The following TYW1B variants were observed in gnomAD, a reference collection of about 807,000 sequenced individuals.
TYW1B encodes S-adenosyl-L-methionine-dependent tRNA 4-demethylwyosine synthase TYW1B.
TYW1B carries 73 observed loss-of-function variants against 86.9 expected under a neutral mutation model. The observed-to-expected ratio is 0.84, with a 90% CI of 0.70 to 1.02. The LOEUF is 1.02. Among genes scored for constraint, TYW1B ranks in the 50% least tolerant of loss-of-function variants. The pLI is 0.00. For missense variants in TYW1B, 637 were observed against 827.4 expected, an observed-to-expected ratio of 0.77 and a Z score of 2.82; for synonymous variants, 248 against 292.8, an observed-to-expected ratio of 0.85 and a Z score of 1.56.
intron 13 of TYW1B, among the ~76,000 whole-genome samples, chr7:72,612,185 G>A (rs532158516): frequency 6.6e-6 from 1 of 152,236 alleles, no homozygotes; most frequent in African/African-American, 2.4e-5. Flanking sequence ...AATAAGGATA[G>A]GAGGGATTTA....
At chr7:72,636,613 A>T (rs191121741) in intron 11 of TYW1B, among the ~76,000 whole-genome samples, 1,849 of 152,332 alleles carry the variant, frequency 0.012, 40 homozygotes, top group African/African-American at 0.042. Context: ...AATTGGCTAC[A>T]AGATTTTAAT....
intron 11 of TYW1B, among the ~76,000 whole-genome samples, chr7:72,693,186 G>A (rs1814215046): frequency 6.6e-6 from 1 of 151,982 alleles, no homozygotes; most frequent in African/African-American, 2.4e-5. Flanking sequence ...AAGCAAGGAA[G>A]GAAAGAAGGA....
At chr7:72,619,407 C>T (rs1224210992) in intron 12 of TYW1B, among the ~76,000 whole-genome samples, 4 of 151,504 alleles carry the variant, frequency 2.6e-5, no homozygotes, top group African/African-American at 4.9e-5. Context: ...TTTGGGAGGC[C>T]GAGGCGGGTG....
intron 9 of TYW1B, among the ~76,000 whole-genome samples, chr7:72,728,058 G>A (rs1167394144): frequency 3.9e-5 from 6 of 152,068 alleles, no homozygotes; most frequent in Admixed American, 1.3e-4. Flanking sequence ...CTGTGCATTA[G>A]ATGGAAGAAA....
chr7:72,702,939 C>T (rs1209801760), intron 10 of TYW1B, among the ~76,000 whole-genome samples: 5 of 149,898 alleles, frequency 3.3e-5, no homozygotes, highest in African/African-American at 1.2e-4. Context: ...GACATCCAAC[C>T]CACATATTTT....
chr7:72,777,232 G>A (rs1787971791), intron 7 of TYW1B, among the ~76,000 whole-genome samples, 184 bp downstream of exon 7: 1 of 152,042 alleles, frequency 6.6e-6, no homozygotes, highest in Non-Finnish European at 1.5e-5. Context: ...CAAGAAAAAA[G>A]GTAACTCACT....
Position 72,777,481 on chromosome 7 carries a change from C to T in TYW1B, c.899G>A (p.Arg300Lys). 3 of 1,614,070 alleles carry T rather than the reference C, an allele frequency of 1.9e-6. No individual in the cohort carries two copies. The highest frequency in any genetic ancestry group is 2.5e-6 in the Non-Finnish European group (3 of 1,179,998). The change falls in exon 7 of 14, where the codon AGG (arginine) becomes AAG (lysine). Residue 300 changes from arginine (R) to lysine (K), a missense_variant. By Grantham distance (26) the Arg-to-Lys change is conservative. Transcript: ENST00000620995. ...EKSGLFRNMG[R>K]NEDGERRAMI... ...AGCTCTTCTTTCACCATCTTCATTC[C>T]TCCCCATGTTCCTGAACAAACCAGA...
chr7:72,647,328 T>C (rs782148154), intron 11 of TYW1B, among the ~76,000 whole-genome samples: 2 of 152,226 alleles, frequency 1.3e-5, no homozygotes, highest in African/African-American at 4.8e-5. Flanking sequence ...TTCAAATCTG[T>C]TGACCTAGTA....
At chr7:72,797,141 C>G (rs2129572396) in intron 6 of TYW1B, among the ~76,000 whole-genome samples, 1 of 152,244 alleles carries the variant, frequency 6.6e-6, no homozygotes, top group South Asian at 2.1e-4. Context: ...GTTCTTGGTA[C>G]ACAGCTTCAA....
At chr7:72,605,772 C>A (rs1554434743) in intron 13 of TYW1B, among the ~76,000 whole-genome samples, 3 of 152,332 alleles carry the variant, frequency 2.0e-5, no homozygotes, top group Admixed American at 6.5e-5. Flanking sequence ...TCAGGAAATT[C>A]TTTCCAGTAA....
intron 11 of TYW1B, among the ~76,000 whole-genome samples, chr7:72,662,647 A>C (rs1289988722): frequency 6.6e-6 from 1 of 152,190 alleles, no homozygotes; most frequent in Non-Finnish European, 1.5e-5. Context: ...AGTGTGTGGA[A>C]GGGAAGGTGC....
Position 72,613,600 on chromosome 7 carries a change from G to C in TYW1B, c.1785+3072C>G, listed in dbSNP as rs189598551. ...TTTTAGTATTTTTATTAGAGATGGAGTTTCACTATGTTGGCCAGGTTGGTC... is the reference window on the plus strand; with the variant it reads ...TTTTAGTATTTTTATTAGAGATGGACTTTCACTATGTTGGCCAGGTTGGTC... On this transcript the variant is annotated intron_variant, in intron 13 of 13. Coordinates refer to ENST00000620995, the MANE Select transcript of TYW1B (RefSeq NM_001145440.3). 5.0e-3 allele frequency among the ~76,000 whole-genome samples: 753 copies of C among 151,914 alleles called. 3 individuals are homozygous for C. The highest frequency in any genetic ancestry group is 0.01 in the South Asian group (50 of 4,808).
In TYW1B at chr7:72,825,708, T is replaced by C. The variant is rs190278132; in HGVS notation, c.135+1147A>G. Among the ~76,000 whole-genome samples, 23 of 152,228 alleles carry C rather than the reference T, an allele frequency of 1.5e-4. No homozygotes were observed. The East Asian group carries it at 4.2e-3, about 28-fold the overall frequency. Reference sequence around the variant, plus strand: ...ACAAAATAAAAAATAAACATAGATGTGTGATGTGAAAGTCAGGCCCATATT... The same window carrying C: ...ACAAAATAAAAAATAAACATAGATGCGTGATGTGAAAGTCAGGCCCATATT... On this transcript the variant is annotated intron_variant, in intron 2 of 13. Transcript: ENST00000620995.
At chr7:72,821,358 A>T (rs563103184) in intron 2 of TYW1B, among the ~76,000 whole-genome samples, 1 of 152,376 alleles carries the variant, frequency 6.6e-6, no homozygotes, top group Non-Finnish European at 1.5e-5. Flanking sequence ...CACAAAAAAT[A>T]CTACTGCAAG....
intron 10 of TYW1B, among the ~76,000 whole-genome samples, chr7:72,707,056 T>C (rs1814631329): frequency 6.6e-6 from 1 of 152,214 alleles, no homozygotes; most frequent in Non-Finnish European, 1.5e-5. Context: ...GTGTGGTCTG[T>C]TGTGCTGTAT....
intron 9 of TYW1B, among the ~76,000 whole-genome samples, chr7:72,727,405 G>GA (rs1180308268): frequency 6.6e-6 from 1 of 152,122 alleles, no homozygotes; most frequent in Non-Finnish European, 1.5e-5. Flanking sequence ...ATTCAACAGG[G>GA]AACCTAACAA....
At position 72,809,008 on chromosome 7, in the gene TYW1B, A is replaced by AT. The variant is rs1441163844; in HGVS notation, c.432+1462dup. 2.7e-5 allele frequency among the ~76,000 whole-genome samples: 4 copies of AT among 150,310 alleles called. No homozygotes were observed. The South Asian group carries it at 8.4e-4, about 32-fold the overall frequency. ...ACAGGATGAAAAAGGAGCCAAGTTAATTTTTTCCTCCATTTCCCTTGAAAA... is the reference window on the plus strand; with the variant it reads ...ACAGGATGAAAAAGGAGCCAAGTTAATTTTTTTCCTCCATTTCCCTTGAAAA... On this transcript the variant is annotated intron_variant, in intron 4 of 13. Transcript: ENST00000620995.
Position 72,777,428 on chromosome 7 carries a change from G to C in TYW1B, c.952C>G (p.Leu318Val). Residue 318 changes from leucine to valine, a missense_variant, in exon 7 of 14, where the codon CTT (leucine) becomes GTT (valine). By Grantham distance (32) the Leu-to-Val change is conservative (BLOSUM62 1). Coordinates refer to ENST00000620995, the MANE Select transcript of TYW1B (RefSeq NM_001145440.3). Reference protein sequence around the residue: ...AMITPALREALTKQVDAPRER... With the variant: ...AMITPALREAVTKQVDAPRER... ...TGAAGATTTTCACCTTGTTTAGTAA[G>C]GGCTTCTCGGAGAGCAGGAGTTATC... 1 of 1,613,844 alleles carries C rather than the reference G, an allele frequency of 6.2e-7. No homozygotes were observed. The highest frequency in any genetic ancestry group is 1.1e-5 in the South Asian group (1 of 91,056).
intron 6 of TYW1B, among the ~76,000 whole-genome samples, chr7:72,781,294 G>A (rs570476901): frequency 2.8e-4 from 42 of 152,102 alleles, no homozygotes; most frequent in African/African-American, 8.7e-4. Flanking sequence ...AGCAAGCCTC[G>A]GCATCACCTC....
Sources: allele counts gnomAD v4.1 joint callset (sites outside exome capture counted in the v4.1 genomes callset), GRCh38; gene constraint gnomAD v4.1.1; transcripts MANE v1.5; gene names NCBI Gene and HGNC (gene_info 2026-07-23, HGNC 2026-07-21).